Variants in STX8 observed in about 807,000 individuals in gnomAD.
STX8 encodes the protein syntaxin 8, also known as syntaxin-8.
Under a neutral mutation model 37.5 loss-of-function variants are expected in STX8, and 23 were observed. The ratio of observed to expected loss-of-function variants is 0.61; its 90% confidence interval spans 0.44 to 0.87. The LOEUF is 0.87. Among genes scored for constraint, STX8 ranks in the 40% least tolerant of loss-of-function variants. STX8 has a pLI of 0.00. For missense variants in STX8, 313 were observed against 284.7 expected (o/e 1.10, Z -0.71); for synonymous variants, 115 against 99.1 (o/e 1.16, Z -0.95).
intron 7 of STX8, among the ~76,000 whole-genome samples, chr17:9,274,347 C>T (rs777636114): frequency 1.3e-5 from 2 of 152,012 alleles, no homozygotes; most frequent in African/African-American, 2.4e-5. Flanking sequence ...CCCAAATTCA[C>T]GAGTGATATA....
At chr17:9,451,673 A>C (rs1905044452) in intron 6 of STX8, among the ~76,000 whole-genome samples, 2 of 152,300 alleles carry the variant, frequency 1.3e-5, no homozygotes, top group South Asian at 2.1e-4. Context: ...ATATTTAAAG[A>C]AAAATAGAAA....
intron 4 of STX8, among the ~76,000 whole-genome samples, chr17:9,522,543 A>C (rs866328236): frequency 0.73 from 80,073 of 109,202 alleles, 26,911 homozygotes; most frequent in Middle Eastern, 0.9. Flanking sequence ...TAAAAATCCA[A>C]AAAAAAAAAA....
rs1397389876 is a variant in STX8, at chr17:9,303,941, C to T, written c.644-53296G>A. On this transcript the variant is annotated intron_variant, in intron 7 of 7. Coordinates refer to ENST00000306357, the MANE Select transcript of STX8 (RefSeq NM_004853.3). ...TCATAAAAGAACAGGTTGATAATTACGACTACCTAAAAATTAGAAACTTTT... is the reference window on the plus strand; with the variant it reads ...TCATAAAAGAACAGGTTGATAATTATGACTACCTAAAAATTAGAAACTTTT... 7.2e-5 allele frequency among the ~76,000 whole-genome samples: 11 copies of T among 151,794 alleles called. No individual in the cohort carries two copies. The East Asian group carries it at 1.3e-3, about 19-fold the overall frequency.
chr17:9,315,365 C>G (rs1396435528), intron 7 of STX8, among the ~76,000 whole-genome samples: 1 of 151,984 alleles, frequency 6.6e-6, no homozygotes, highest in Admixed American at 6.5e-5. Context: ...AGCATTCCCT[C>G]CTGGTAAGAG....
intron 6 of STX8, among the ~76,000 whole-genome samples, chr17:9,466,694 T>C (rs11651457): frequency 0.24 from 37,179 of 152,026 alleles, 4,875 homozygotes; most frequent in South Asian, 0.35. Context: ...GTGTCCAATA[T>C]GCCCTCTTCT....
chr17:9,481,067 G>A (rs1419007003), intron 6 of STX8, among the ~76,000 whole-genome samples: 1 of 152,092 alleles, frequency 6.6e-6, no homozygotes, highest in East Asian at 1.9e-4. Context: ...TGTATTTTTA[G>A]TAGAGACAGG....
chr17:9,319,404 G>C (rs978861050), intron 7 of STX8, among the ~76,000 whole-genome samples: 5 of 152,070 alleles, frequency 3.3e-5, no homozygotes, highest in African/African-American at 1.2e-4. Context: ...GGGCGACACA[G>C]CAAGACTCTG....
At chr17:9,452,826 G>C (rs933380534) in intron 6 of STX8, among the ~76,000 whole-genome samples, 7 of 150,470 alleles carry the variant, frequency 4.7e-5, no homozygotes, top group Non-Finnish European at 7.4e-5. Context: ...TTTAGACAGA[G>C]TCTCGCTCTG....
At chr17:9,315,112 A>C (rs961014408) in intron 7 of STX8, among the ~76,000 whole-genome samples, 5 of 151,502 alleles carry the variant, frequency 3.3e-5, no homozygotes, top group Admixed American at 2.0e-4. Flanking sequence ...AAAAAAAAAA[A>C]AAAACCAACA....
At chr17:9,513,370 T>G (rs1905079900) in intron 4 of STX8, among the ~76,000 whole-genome samples, 1 of 148,838 alleles carries the variant, frequency 6.7e-6, no homozygotes, top group Non-Finnish European at 1.5e-5. Context: ...ACAAATGATC[T>G]GACCAGACAT....
intron 7 of STX8, among the ~76,000 whole-genome samples, chr17:9,355,919 T>G (rs1190208855): frequency 1.8e-4 from 27 of 152,174 alleles, no homozygotes; most frequent in Non-Finnish European, 4.0e-4. Flanking sequence ...TCCAAAGTGC[T>G]GGGATTACAG....
intron 6 of STX8, among the ~76,000 whole-genome samples, chr17:9,440,530 T>TTA (rs1567561785): frequency 5.5e-5 from 4 of 72,824 alleles, no homozygotes; most frequent in African/African-American, 8.5e-5. Flanking sequence ...CAATGATTTT[T>TTA]TTTTTTTTTT....
chr17:9,295,307 C>A (rs1056979414), intron 7 of STX8, among the ~76,000 whole-genome samples: 1 of 152,228 alleles, frequency 6.6e-6, no homozygotes. Flanking sequence ...ACAAGCCTAA[C>A]TGTTCCTATT....
At position 9,544,514 on chromosome 17, in the gene STX8, A is replaced by G. The variant is rs539765479; in HGVS notation, c.323+658T>C. Among the ~76,000 whole-genome samples, 4 of 151,958 alleles carry G rather than the reference A, an allele frequency of 2.6e-5. No homozygotes were observed. The South Asian group carries it at 8.3e-4, about 32-fold the overall frequency. ...CTCAATATGCCAATTAAAAAAAAAA[A>G]CAAAAAACTGCTTTGCCCACACAGA... On this transcript the variant is annotated intron_variant, in intron 4 of 7. Coordinates refer to ENST00000306357, the MANE Select transcript of STX8 (RefSeq NM_004853.3).
chr17:9,472,916 C>T (rs1905935275), intron 6 of STX8, among the ~76,000 whole-genome samples: 1 of 152,296 alleles, frequency 6.6e-6, no homozygotes, highest in Middle Eastern at 3.4e-3. Flanking sequence ...AGAAAAAAGT[C>T]AGGGAGGAAC....
intron 7 of STX8, among the ~76,000 whole-genome samples, chr17:9,296,720 T>C (rs1176367901): frequency 6.6e-6 from 1 of 151,608 alleles, no homozygotes; most frequent in Non-Finnish European, 1.5e-5. Context: ...TAAGTGAATA[T>C]AAAGCAGTTA....
intron 7 of STX8, among the ~76,000 whole-genome samples, chr17:9,315,807 T>G (rs985451994): frequency 3.9e-5 from 6 of 152,012 alleles, no homozygotes; most frequent in Non-Finnish European, 8.8e-5. Flanking sequence ...AGCTCAGGAG[T>G]TTGAGACCAG....
chr17:9,500,118 T>C (rs553590195), intron 5 of STX8, among the ~76,000 whole-genome samples: 2 of 152,258 alleles, frequency 1.3e-5, no homozygotes, highest in East Asian at 3.9e-4. Context: ...ATGGGTGAAG[T>C]ATGTAAAACT....
rs187107608 is a variant in STX8, at chr17:9,441,615, C to A, written c.541+50214G>T. ...CACCCTTCCTGTAAATAATGGGGCT[C>A]CCCAAGGCGCTGCCCTAAGACGCTG... On this transcript the variant is annotated intron_variant, in intron 6 of 7. Transcript: ENST00000306357. Among the ~76,000 whole-genome samples the A allele has an allele frequency of 6.2e-3, 941 of 152,020 alleles. 10 individuals carry two copies. Among genetic ancestry groups the A allele is most frequent in the African/African-American group, 0.021 (883 of 41,476 alleles).
Sources: allele counts gnomAD v4.1 joint callset (sites outside exome capture counted in the v4.1 genomes callset), GRCh38; gene constraint gnomAD v4.1.1; transcripts MANE v1.5; gene names NCBI Gene and HGNC (gene_info 2026-07-23, HGNC 2026-07-21).